The following GPAM variants were observed in gnomAD, a reference collection of about 807,000 sequenced individuals.
The protein encoded by GPAM is glycerol-3-phosphate acyltransferase 1, mitochondrial.
GPAM carries 56 observed loss-of-function variants against 105.0 expected under a neutral mutation model. That is an observed-to-expected ratio of 0.53 (90% CI 0.43 to 0.67). GPAM has a LOEUF of 0.67. Ranked by LOEUF, GPAM falls within the 30% of genes least tolerant of loss-of-function variation. The pLI, the probability that GPAM is intolerant of heterozygous loss-of-function variation, is 0.00. For missense variants in GPAM, 855 were observed against 989.8 expected, an observed-to-expected ratio of 0.86 and a Z score of 1.83; for synonymous variants, 368 against 354.4, an observed-to-expected ratio of 1.04 and a Z score of -0.43.
chr10:112,221,382 G>C, the GPAM span, among the ~76,000 whole-genome samples: 1 of 152,094 alleles, frequency 6.6e-6, no homozygotes, highest in Non-Finnish European at 1.5e-5. Flanking sequence ...GTAATCTAGA[G>C]TCATCAAAGT....
rs190755151 is a variant in GPAM, at chr10:112,175,198, T to C, written c.413+402A>G. On this transcript the variant is annotated intron_variant, in intron 6 of 21. Transcript: ENST00000348367. ...AGCAATGACTTTCCAGTACAAGAAT[T>C]TGTACCTAGATACTCAGTAACTGGC... Among the ~76,000 whole-genome samples the C allele has an allele frequency of 3.1e-3, 472 of 152,310 alleles. 2 individuals are homozygous for C. The highest frequency in any genetic ancestry group is 4.3e-3 in the Non-Finnish European group (290 of 68,020).
rs1295531375 is a variant in GPAM at position 112,175,676 on chromosome 10, GAACGT to G, written c.332_336del (p.Tyr111SerfsTer10). 1 of 1,613,240 alleles carries G rather than the reference GAACGT, an allele frequency of 6.2e-7. No homozygotes were observed. Among genetic ancestry groups the G allele is most frequent in the East Asian group, 2.2e-5 (1 of 44,866 alleles). On this transcript the variant is annotated frameshift_variant, in exon 6 of 22. Coordinates refer to ENST00000348367, the MANE Select transcript of GPAM (RefSeq NM_001244949.2). LOFTEE classifies it high-confidence loss of function. ...TGCACATCTCGCTCTTGAATAAAAA[GAACGT>G]AAGAAAGGCGTCTTGCAAGCCATCC...
chr10:112,207,968 C>G (rs991126621), intron 1 of GPAM, among the ~76,000 whole-genome samples: 6 of 152,204 alleles, frequency 3.9e-5, no homozygotes, highest in African/African-American at 1.2e-4. Context: ...GAACATTCAA[C>G]TACAGCCCAA....
chr10:112,188,746 C>T (rs1847623162), upstream of GPAM, among the ~76,000 whole-genome samples: 1 of 152,142 alleles, frequency 6.6e-6, no homozygotes, highest in Admixed American at 6.5e-5. Flanking sequence ...ACATATTGAC[C>T]AGTATACCTG....
At chr10:112,198,398 G>A (rs147907150) in intron 1 of GPAM, among the ~76,000 whole-genome samples, 59 of 152,310 alleles carry the variant, frequency 3.9e-4, no homozygotes, top group African/African-American at 1.3e-3. Context: ...TACTGATTGA[G>A]TCAGTAAAGT....
chr10:112,222,809 T>TAGAACAGAGCCAGGCCC, the GPAM span, among the ~76,000 whole-genome samples: 2 of 152,144 alleles, frequency 1.3e-5, no homozygotes, highest in Non-Finnish European at 2.9e-5. Context: ...TCTCCAGGCC[T>TAGAACAGAGCCAGGCCC]AGCACAGAGC....
rs559993696 is a variant in GPAM, at chr10:112,153,545, G to A, written c.*5C>T. ...CCTTCATTTGCCAGCAGTGCCACAC[G>A]TTACCTACAGCACCACAAAACTCAG... On this transcript the variant is annotated 3_prime_UTR_variant, in exon 22 of 22. Transcript: ENST00000348367. 1.1e-5 allele frequency: 17 copies of A among 1,613,748 alleles called. No individual in the cohort carries two copies. The highest frequency in any genetic ancestry group is 5.0e-5 in the Admixed American group (3 of 60,012).
Position 112,168,499 on chromosome 10 carries a change from T to G in GPAM, c.920A>C (p.Gln307Pro), listed in dbSNP as rs764825070. The change falls in exon 11 of 22, where the codon CAG becomes CCG. Residue 307 changes from glutamine to proline, a missense_variant. By Grantham distance (76) the Gln-to-Pro change is moderately conservative. Transcript: ENST00000348367. ...HGHIVELLRQ[Q>P]QFLEIFLEGT... ...TTCCAGGAAGATCTCCAAGAATTGC[T>G]GCTGTCGAAGTAATTCAACTATATG... The G allele has an allele frequency of 4.3e-6, 7 of 1,610,984 alleles. No individual in the cohort carries two copies. Among genetic ancestry groups the G allele is most frequent in the Non-Finnish European group, 5.9e-6 (7 of 1,177,154 alleles).
At chr10:112,198,384 A>T (rs1313085980) in intron 1 of GPAM, among the ~76,000 whole-genome samples, 1 of 152,244 alleles carries the variant, frequency 6.6e-6, no homozygotes. Context: ...TTTAACAACT[A>T]TACTACTGAT....
upstream of GPAM, among the ~76,000 whole-genome samples, chr10:112,186,827 AAG>A (rs1847602026): frequency 6.6e-6 from 1 of 152,224 alleles, no homozygotes; most frequent in Admixed American, 6.5e-5. Context: ...CTGGGATTAT[AAG>A]AGTGAGCCAC....
chr10:112,186,262 T>C (rs968729543), upstream of GPAM, among the ~76,000 whole-genome samples: 7 of 151,898 alleles, frequency 4.6e-5, no homozygotes, highest in Non-Finnish European at 1.0e-4. Context: ...AACCTATCAA[T>C]CAAGAGTTCT....
Position 112,172,324 on chromosome 10 carries a change from A to G in GPAM, c.658-6T>C. On this transcript the variant is annotated splice_polypyrimidine_tract_variant and splice_region_variant and intron_variant, in intron 8 of 21. Coordinates refer to ENST00000348367, the MANE Select transcript of GPAM (RefSeq NM_001244949.2). ...AACAGAAGCGGCAAATTCGTCTAGCAAAGGGAAAAATGCCAAATTTAAAAC... is the reference window on the plus strand; with the variant it reads ...AACAGAAGCGGCAAATTCGTCTAGCGAAGGGAAAAATGCCAAATTTAAAAC... 3.1e-6 allele frequency: 5 copies of G among 1,612,408 alleles called. No homozygotes were observed. The highest frequency in any genetic ancestry group is 4.2e-6 in the Non-Finnish European group (5 of 1,178,562).
intron 6 of GPAM, 78 bp from the exon 7 acceptor site, chr10:112,173,923 C>T: frequency 1.7e-6 from 2 of 1,161,964 alleles, no homozygotes; most frequent in South Asian, 2.4e-5. Flanking sequence ...TAAACTGCAG[C>T]TGTAAATCAC....
intron 6 of GPAM, 137 bp from the exon 7 acceptor site, chr10:112,173,982 G>A: frequency 1.3e-6 from 1 of 741,280 alleles, no homozygotes; most frequent in Non-Finnish European, 2.4e-6. Flanking sequence ...GAAAGAATAA[G>A]CTCAAGCTAG....
At chr10:112,199,680 C>T (rs1847769658) in intron 1 of GPAM, among the ~76,000 whole-genome samples, 1 of 152,130 alleles carries the variant, frequency 6.6e-6, no homozygotes, top group Non-Finnish European at 1.5e-5. Flanking sequence ...TTAATTGATT[C>T]ACAGTTCCAC....
Position 112,152,645 on chromosome 10 carries a change from A to G in GPAM, c.*905T>C, listed in dbSNP as rs764283714. On this transcript the variant is annotated 3_prime_UTR_variant, in exon 22 of 22. Transcript: ENST00000348367. ...CAGCTCAAGCTAATCAAGTTAGGAAAACTGCTATTTGGTTGGAGGATTTCC... is the reference window on the plus strand; with the variant it reads ...CAGCTCAAGCTAATCAAGTTAGGAAGACTGCTATTTGGTTGGAGGATTTCC... 7.9e-5 allele frequency: 78 copies of G among 985,280 alleles called. No individual in the cohort carries two copies. Among genetic ancestry groups the G allele is most frequent in the Non-Finnish European group, 9.3e-5 (77 of 829,886 alleles). 61.0% of individuals were successfully genotyped at this position (985,280 alleles called of 1,614,324 possible).
chr10:112,181,936 T>C, intron 2 of GPAM, 123 bp from the exon 3 acceptor site: 2 of 643,658 alleles, frequency 3.1e-6, no homozygotes, highest in South Asian at 1.7e-5. Context: ...GACAGACTTC[T>C]ACCATGTTGA....
intron 1 of GPAM, among the ~76,000 whole-genome samples, chr10:112,209,487 G>A (rs1847887726): frequency 6.6e-6 from 1 of 152,054 alleles, no homozygotes; most frequent in African/African-American, 2.4e-5. Context: ...AATTGCTGCT[G>A]CCCCATCCCT....
Position 112,157,407 on chromosome 10 carries a change from T to C in GPAM, c.1981-18A>G, listed in dbSNP as rs200140528. 1.6e-4 allele frequency: 253 copies of C among 1,612,386 alleles called. No individual in the cohort carries two copies. Among genetic ancestry groups the C allele is most frequent in the Non-Finnish European group, 2.0e-4 (231 of 1,178,790 alleles). On this transcript the variant is annotated intron_variant, in intron 18 of 21. Transcript: ENST00000348367. ...TCATCGTGCTAGGCCAAGGAGATGA[T>C]GGATAGTAAATAAATATGCACTGGC... is the stretch of plus-strand genomic sequence containing the variant.
Sources: gnomAD v4.1 joint callset for allele counts (sites outside exome capture counted in the v4.1 genomes callset) on GRCh38, gnomAD v4.1.1 for gene constraint, MANE v1.5 for transcripts, NCBI Gene and HGNC (gene_info 2026-07-23, HGNC 2026-07-21) for gene names.